Variants in EVL observed in about 807,000 individuals in gnomAD.
EVL encodes ena/VASP-like protein.
EVL carries 21 observed loss-of-function variants against 59.6 expected under a neutral mutation model. The observed-to-expected ratio is 0.35, with a 90% CI of 0.25 to 0.51. The LOEUF is 0.51. EVL is among the 20% of genes least tolerant of loss of function. The pLI is 0.97. For missense variants in EVL, 462 were observed against 546.6 expected (o/e 0.85, Z 1.54); for synonymous variants, 198 against 203.5 (o/e 0.97, Z 0.23).
intron 2 of EVL, among the ~76,000 whole-genome samples, chr14:100,091,155 GTC>G (rs1329141336): frequency 3.3e-5 from 5 of 152,156 alleles, no homozygotes; most frequent in Non-Finnish European, 5.9e-5. Flanking sequence ...GAAAACAAGA[GTC>G]TCTCTCTGCC....
intron 8 of EVL, among the ~76,000 whole-genome samples, chr14:100,133,830 G>A (rs976749533): frequency 3.4e-5 from 5 of 148,820 alleles, no homozygotes; most frequent in Non-Finnish European, 7.5e-5. Flanking sequence ...CCAGCTACTC[G>A]GGAGGCTGAG....
chr14:100,104,037 G>A (rs1886402906), intron 3 of EVL, among the ~76,000 whole-genome samples: 2 of 152,182 alleles, frequency 1.3e-5, no homozygotes, highest in South Asian at 4.1e-4. Flanking sequence ...CGCCTGACCT[G>A]TACCTGCCCG....
At chr14:100,061,431 AGAAATGCTAAAGGAAGTTCCTCAGGCTGC>A (rs377664193), upstream of EVL, among the ~76,000 whole-genome samples, 34 of 104,884 alleles carry the variant, frequency 3.2e-4, no homozygotes, top group Non-Finnish European at 4.2e-4. Flanking sequence ...AAAAAAAAAA[AGAAATGCTAAAGGAAGTTCCTCAGGCTGC>A]AAAAAAAAAA....
intron 2 of EVL, among the ~76,000 whole-genome samples, chr14:100,088,060 G>A (rs541338323): frequency 2.0e-4 from 31 of 152,314 alleles, no homozygotes; most frequent in African/African-American, 4.6e-4. Flanking sequence ...GGAATATTGC[G>A]TGGATGCTAT....
chr14:99,978,525 A>G (rs998282882), intron 1 of EVL, among the ~76,000 whole-genome samples: 6 of 152,108 alleles, frequency 3.9e-5, no homozygotes, highest in South Asian at 2.1e-4. Flanking sequence ...TAAAATTGCT[A>G]CAGTTTAACC....
In EVL at chr14:100,006,655, A is replaced by G. The variant is rs1373426179; in HGVS notation, c.5+34598A>G. 4.6e-5 allele frequency among the ~76,000 whole-genome samples: 7 copies of G among 152,208 alleles called. No individual in the cohort carries two copies. The South Asian group carries it at 1.5e-3, about 32-fold the overall frequency. Reference sequence around the variant, plus strand: ...TGACCTAGGCCTATGGATGGGTCTCAGTCTGAAGACTGCTCTGTGCCATCC... The same window carrying G: ...TGACCTAGGCCTATGGATGGGTCTCGGTCTGAAGACTGCTCTGTGCCATCC... On this transcript the variant is annotated intron_variant, in intron 1 of 13. Transcript: ENST00000402714.
rs1379995303 is a variant in EVL, at chr14:100,108,229, A to G, written c.358+10571A>G. On this transcript the variant is annotated intron_variant, in intron 3 of 13. Transcript: ENST00000392920. The surrounding 1 kb of genome is among the most constrained non-coding windows in gnomAD (Gnocchi z 4.1). ...CCCGGGAAGAGTCAGGCCCAGCTCC[A>G]TGTGCTCTTTGGAGGGGAGTGGAAG... The G allele has an allele frequency of 6.6e-6, 1 of 152,168 alleles. No individual in the cohort carries two copies. The highest frequency in any genetic ancestry group is 1.5e-5 in the Non-Finnish European group (1 of 68,040). 9.4% of individuals were successfully genotyped at this position (152,168 alleles called of 1,614,324 possible). A position where few individuals can be genotyped will look rare whatever the true frequency, so the allele number is the denominator to read the frequency against.
chr14:100,131,531 G>A (rs905112863), intron 7 of EVL, among the ~76,000 whole-genome samples: 3 of 152,238 alleles, frequency 2.0e-5, no homozygotes, highest in Non-Finnish European at 4.4e-5. Context: ...GGAAATGAAC[G>A]TGGACAGAAA....
upstream of EVL, among the ~76,000 whole-genome samples, chr14:100,063,219 C>T (rs1021579131): frequency 1.3e-5 from 2 of 152,230 alleles, no homozygotes; most frequent in Non-Finnish European, 2.9e-5. Flanking sequence ...CCAGTCTAAT[C>T]ACACGAGTCC....
chr14:100,061,532 A>G (rs1278495566), upstream of EVL, among the ~76,000 whole-genome samples: 2 of 151,334 alleles, frequency 1.3e-5, no homozygotes, highest in Non-Finnish European at 2.9e-5. Context: ...ACCAGAAAAG[A>G]GAAATATATG....
At chr14:100,086,779 C>T (rs2062452706) in intron 2 of EVL, among the ~76,000 whole-genome samples, 1 of 152,210 alleles carries the variant, frequency 6.6e-6, no homozygotes, top group South Asian at 2.1e-4. Flanking sequence ...TTGAGAAGTT[C>T]AGAGCACAGC....
chr14:100,017,199 A>T (rs1371067293), intron 1 of EVL, among the ~76,000 whole-genome samples: 1 of 152,118 alleles, frequency 6.6e-6, no homozygotes, highest in Non-Finnish European at 1.5e-5. Context: ...TGGTGCTGGG[A>T]TTTGATTTTT....
At chr14:100,052,243 C>T (rs116522418) in intron 1 of EVL, among the ~76,000 whole-genome samples, 1,560 of 152,264 alleles carry the variant, frequency 0.01, 21 homozygotes, top group African/African-American at 0.035. Context: ...AAATCTGATT[C>T]GCCTGAATGT....
chr14:99,988,403 A>C (rs565044756), intron 1 of EVL, among the ~76,000 whole-genome samples: 1 of 152,204 alleles, frequency 6.6e-6, no homozygotes, highest in African/African-American at 2.4e-5. Flanking sequence ...GATAATAACA[A>C]ATGTTGGTGA....
At chr14:99,978,469 TTTTTC>T (rs763351359) in intron 1 of EVL, among the ~76,000 whole-genome samples, 14 of 152,148 alleles carry the variant, frequency 9.2e-5, no homozygotes, top group African/African-American at 1.7e-4. Flanking sequence ...TGAAGAGCCA[TTTTTC>T]TTTTCTTTTT....
rs1158573698 is a variant in EVL, at chr14:99,972,577, C to T, written c.5+520C>T. 1.3e-5 allele frequency among the ~76,000 whole-genome samples: 2 copies of T among 152,198 alleles called. No homozygotes were observed. The highest frequency in any genetic ancestry group is 4.1e-4 in the South Asian group (2 of 4,836). On this transcript the variant is annotated intron_variant, in intron 1 of 13. Coordinates refer to the EVL transcript ENST00000402714. This position sits in a 1 kb window ranked among gnomAD's most constrained non-coding sequence, Gnocchi z 4.4. ...CCCTCGACTTGGAGCCCGTCAACCC[C>T]TTCGTCTCCTAATTCTCAACCCCCC...
At chr14:100,040,746 T>C (rs2061456204) in intron 1 of EVL, among the ~76,000 whole-genome samples, 2 of 152,238 alleles carry the variant, frequency 1.3e-5, no homozygotes, top group Admixed American at 1.3e-4. Flanking sequence ...GGTCTGTAAG[T>C]AGCTCTGAGA....
At chr14:100,066,381 C>A (rs1271731396) in intron 1 of EVL, 3 of 152,172 alleles carry the variant, frequency 2.0e-5, no homozygotes. Flanking sequence ...TGGGGTTTGT[C>A]CAAGGTCACA....
intron 1 of EVL, among the ~76,000 whole-genome samples, chr14:100,020,298 A>T (rs2061098467): frequency 6.6e-6 from 1 of 152,116 alleles, no homozygotes; most frequent in Non-Finnish European, 1.5e-5. Flanking sequence ...TCTTTTGTGA[A>T]TCTTACTCCC....
Sources: gnomAD v4.1 joint callset for allele counts (sites outside exome capture counted in the v4.1 genomes callset) on GRCh38, gnomAD v4.1.1 for gene constraint, Gnocchi (gnomAD v3.1) non-coding constraint, MANE v1.5 for transcripts, NCBI Gene and HGNC (gene_info 2026-07-23, HGNC 2026-07-21) for gene names.